The following GRIK4 variants were observed in gnomAD, a reference collection of about 807,000 sequenced individuals.
GRIK4 encodes glutamate receptor ionotropic, kainate 4.
Under a neutral mutation model 104.9 loss-of-function variants are expected in GRIK4, and 40 were observed. The ratio of observed to expected loss-of-function variants is 0.38; its 90% CI spans 0.30 to 0.50. GRIK4 has a LOEUF of 0.50. Ranked by LOEUF, GRIK4 falls within the 20% of genes least tolerant of loss-of-function variation. GRIK4 has a pLI of 0.93. For synonymous variants in GRIK4, 485 were observed against 524.9 expected (o/e 0.92, Z 1.04); for missense variants, 1,047 against 1,308.1 (o/e 0.80, Z 3.08).
rs1010552837 is a variant in GRIK4, at chr11:120,956,148, G to A, written c.1701-632G>A. On this transcript the variant is annotated intron_variant, in intron 15 of 20. Transcript: ENST00000527524. The surrounding 1 kb of genome is among the most constrained non-coding windows in gnomAD (Gnocchi z 4.6). The stretch of plus-strand genomic sequence containing the variant: ...TGTCACTGGCAGTGACAGAACAAGC[G>A]GCTTCCCAGGCTGTCCACCTCTTGA... Among the ~76,000 whole-genome samples, 19 of 152,026 alleles carry A rather than the reference G, an allele frequency of 1.2e-4. No homozygotes were observed. Among genetic ancestry groups the A allele is most frequent in the Admixed American group, 7.9e-4 (12 of 15,276 alleles).
chr11:120,856,015 G>A (rs1954096450), intron 8 of GRIK4, among the ~76,000 whole-genome samples: 1 of 152,258 alleles, frequency 6.6e-6, no homozygotes, highest in Non-Finnish European at 1.5e-5. Context: ...ACCAGGAAAA[G>A]GAAGGAGATT....
chr11:120,547,381 CG>C (rs1321331115), intron 1 of GRIK4, among the ~76,000 whole-genome samples: 1 of 152,198 alleles, frequency 6.6e-6, no homozygotes, highest in Non-Finnish European at 1.5e-5. Flanking sequence ...AGTGTCTGCA[CG>C]AGCGGAGTAC....
intron 5 of GRIK4, among the ~76,000 whole-genome samples, chr11:120,818,015 T>C (rs1296003907): frequency 6.6e-6 from 1 of 152,236 alleles, no homozygotes; most frequent in Non-Finnish European, 1.5e-5. Context: ...TTTGACAAGT[T>C]AAGTGGTTTA....
chr11:120,765,371 A>C (rs533076813), intron 3 of GRIK4, among the ~76,000 whole-genome samples: 1 of 151,970 alleles, frequency 6.6e-6, no homozygotes, highest in Admixed American at 6.5e-5. Flanking sequence ...CCTTTTATCG[A>C]GGTTCTTAGC....
intron 20 of GRIK4, among the ~76,000 whole-genome samples, chr11:120,984,775 A>T (rs1944710639): frequency 7.0e-6 from 1 of 142,606 alleles, no homozygotes; most frequent in Non-Finnish European, 1.5e-5. Context: ...GTCTAAAAAA[A>T]ACCAAAAACA....
intron 1 of GRIK4, among the ~76,000 whole-genome samples, chr11:120,616,866 G>A (rs1326769943): frequency 6.6e-6 from 1 of 152,176 alleles, no homozygotes; most frequent in African/African-American, 2.4e-5. Flanking sequence ...TGATTCCAGT[G>A]CCCCCTGTGC....
chr11:120,529,627 C>A (rs1310586331), intron 1 of GRIK4, among the ~76,000 whole-genome samples: 1 of 152,232 alleles, frequency 6.6e-6, no homozygotes, highest in African/African-American at 2.4e-5. Flanking sequence ...TGCTGTCTGT[C>A]ACTTATCCTT....
intron 3 of GRIK4, among the ~76,000 whole-genome samples, chr11:120,747,345 C>G (rs1565328897): frequency 6.6e-6 from 1 of 152,208 alleles, no homozygotes; most frequent in Non-Finnish European, 1.5e-5. Context: ...AACTTCAGTT[C>G]TGAGCCAGAC....
intron 11 of GRIK4, among the ~76,000 whole-genome samples, chr11:120,895,430 A>G (rs1391261084): frequency 6.6e-6 from 1 of 152,028 alleles, no homozygotes; most frequent in Non-Finnish European, 1.5e-5. Context: ...AATTCTATCC[A>G]TTTTTCAGAC....
intron 3 of GRIK4, among the ~76,000 whole-genome samples, chr11:120,727,064 C>G (rs1054825932): frequency 1.7e-4 from 26 of 152,070 alleles, no homozygotes; most frequent in African/African-American, 6.3e-4. Context: ...ACAGGAGAAC[C>G]ACAAACTAGC....
intron 20 of GRIK4, among the ~76,000 whole-genome samples, chr11:120,984,750 CAG>C (rs1349195661): frequency 1.3e-5 from 2 of 150,512 alleles, no homozygotes; most frequent in Non-Finnish European, 2.9e-5. Flanking sequence ...GCCTGGGCGA[CAG>C]AGGAAGACTC....
At chr11:120,711,993 A>C (rs2135356128) in intron 3 of GRIK4, among the ~76,000 whole-genome samples, 1 of 152,334 alleles carries the variant, frequency 6.6e-6, no homozygotes, top group Middle Eastern at 3.4e-3. Context: ...TATACACTGC[A>C]CTGTGCCATG....
intron 1 of GRIK4, among the ~76,000 whole-genome samples, chr11:120,587,016 C>A (rs549919222): frequency 6.6e-6 from 1 of 152,268 alleles, no homozygotes; most frequent in East Asian, 1.9e-4. Flanking sequence ...TTTGTAATAA[C>A]AGTAGGAGTT....
intron 11 of GRIK4, among the ~76,000 whole-genome samples, chr11:120,884,846 A>G (rs1955072848): frequency 6.6e-6 from 1 of 152,234 alleles, no homozygotes; most frequent in African/African-American, 2.4e-5. Context: ...CTAGGGGCAG[A>G]GCCGGGCCAT....
intron 13 of GRIK4, among the ~76,000 whole-genome samples, chr11:120,915,673 A>C (rs1289711975): frequency 1.3e-5 from 2 of 152,048 alleles, no homozygotes; most frequent in Non-Finnish European, 2.9e-5. Flanking sequence ...TGGGGATCTC[A>C]TGTGCTCCAG....
rs934504685 is a variant in GRIK4 at position 120,537,352 on chromosome 11, G to A, written c.-159+25465G>A. On this transcript the variant is annotated intron_variant, in intron 1 of 20. Transcript: ENST00000527524. ...TGGTCAGAGGCGGAAACTCAGAGAC[G>A]GAGATATTGGAACTCTGCAGAGGGC... is the stretch of plus-strand genomic sequence containing the variant. Among the ~76,000 whole-genome samples, 4 of 152,152 alleles carry A rather than the reference G, an allele frequency of 2.6e-5. No individual in the cohort carries two copies. The South Asian group carries it at 8.3e-4, about 32-fold the overall frequency.
At chr11:120,537,659 G>A (rs924563672) in intron 1 of GRIK4, among the ~76,000 whole-genome samples, 2 of 152,226 alleles carry the variant, frequency 1.3e-5, no homozygotes, top group Admixed American at 1.3e-4. Context: ...TATGTAGCGG[G>A]CGATCATGGT....
chr11:120,761,678 T>C (rs1951750930), intron 3 of GRIK4, among the ~76,000 whole-genome samples: 1 of 152,222 alleles, frequency 6.6e-6, no homozygotes. Context: ...GCTAGCCAGT[T>C]TTCTCACCAC....
chr11:120,525,731 G>A (rs1947848302), intron 1 of GRIK4, among the ~76,000 whole-genome samples: 1 of 152,184 alleles, frequency 6.6e-6, no homozygotes, highest in East Asian at 1.9e-4. Flanking sequence ...GTAGGGCTCT[G>A]GGGAGGAGCG....
Sources: gnomAD v4.1 joint callset for allele counts (sites outside exome capture counted in the v4.1 genomes callset) on GRCh38, gnomAD v4.1.1 for gene constraint, Gnocchi (gnomAD v3.1) non-coding constraint, MANE v1.5 for transcripts, NCBI Gene and HGNC (gene_info 2026-07-23, HGNC 2026-07-21) for gene names.